Variants in IPMK observed in about 807,000 individuals in gnomAD.
The protein encoded by IPMK is inositol polyphosphate multikinase, also known as inositol 1,3,4,6-tetrakisphosphate 5-kinase.
In IPMK, 17 loss-of-function variants were observed where a neutral mutation model predicts 45.8. The observed-to-expected ratio is 0.37, with a 90% CI of 0.25 to 0.56. The LOEUF is 0.56. Among genes scored for constraint, IPMK ranks in the 20% least tolerant of loss-of-function variants. The pLI is 0.79. For synonymous variants in IPMK, 180 were observed against 184.3 expected (o/e 0.98, Z 0.19); for missense variants, 399 against 498.0 (o/e 0.80, Z 1.89).
intron 4 of IPMK, among the ~76,000 whole-genome samples, chr10:58,203,934 AC>A (rs1838033956): frequency 6.6e-6 from 1 of 152,224 alleles, no homozygotes; most frequent in Admixed American, 6.5e-5. Flanking sequence ...AGCAGCCACC[AC>A]CCTGATCAAT....
chr10:58,235,837 AAGAG>A (rs374625023), intron 2 of IPMK, among the ~76,000 whole-genome samples: 233 of 152,268 alleles, frequency 1.5e-3, no homozygotes, highest in African/African-American at 5.3e-3. Context: ...AAGAAAAAGA[AAGAG>A]AGAGACAACC....
intron 3 of IPMK, among the ~76,000 whole-genome samples, chr10:58,219,345 T>C (rs1838296186): frequency 6.6e-6 from 1 of 152,248 alleles, no homozygotes; most frequent in Non-Finnish European, 1.5e-5. Context: ...TGACTGCAAG[T>C]GCTTTTGAAA....
intron 1 of IPMK, among the ~76,000 whole-genome samples, chr10:58,255,626 C>A (rs1838954162): frequency 6.6e-6 from 1 of 152,076 alleles, no homozygotes; most frequent in Non-Finnish European, 1.5e-5. Flanking sequence ...GATGATATCA[C>A]CATCTAGGTA....
Position 58,201,059 on chromosome 10 carries a change from T to C in IPMK, c.547-1738A>G, listed in dbSNP as rs372665037. Among the ~76,000 whole-genome samples, 6 of 152,176 alleles carry C rather than the reference T, an allele frequency of 3.9e-5. No homozygotes were observed. In the South Asian group the frequency reaches 8.3e-4, roughly 21 times the overall value. On this transcript the variant is annotated intron_variant, in intron 4 of 5. Transcript: ENST00000373935. ...TGAACAAAGGACATGTTTACACTTATGAGGGAAAAAACAAGAAACAAAGTG... is the reference window on the plus strand; with the variant it reads ...TGAACAAAGGACATGTTTACACTTACGAGGGAAAAAACAAGAAACAAAGTG...
chr10:58,232,048 C>T (rs373100966), intron 2 of IPMK, among the ~76,000 whole-genome samples: 3 of 152,148 alleles, frequency 2.0e-5, no homozygotes, highest in Non-Finnish European at 2.9e-5. Flanking sequence ...ATAAAACAGA[C>T]TTTAAACCAA....
At chr10:58,216,119 C>A (rs770656827) in intron 4 of IPMK, 26 bp downstream of exon 4, 86 of 1,437,934 alleles carry the variant, frequency 6.0e-5, no homozygotes, top group Non-Finnish European at 7.9e-5. Flanking sequence ...GAGAAATGTG[C>A]ATATTATACT....
At chr10:58,221,257 G>C (rs548942235) in intron 3 of IPMK, among the ~76,000 whole-genome samples, 93 of 152,126 alleles carry the variant, frequency 6.1e-4, no homozygotes, top group African/African-American at 2.2e-3. Context: ...TGCCCTTAAA[G>C]TTGCTCAACT....
In IPMK at chr10:58,192,029, A is replaced by C. The variant is rs187953909; in HGVS notation, c.*4047T>G. The C allele has an allele frequency of 9.9e-5, 15 of 152,226 alleles. No homozygotes were observed. The highest frequency in any genetic ancestry group is 3.6e-4 in the African/African-American group (15 of 41,592). 9.4% of individuals were successfully genotyped at this position (152,226 alleles called of 1,614,324 possible). On this transcript the variant is annotated 3_prime_UTR_variant, in exon 6 of 6. Coordinates refer to ENST00000373935, the MANE Select transcript of IPMK (RefSeq NM_152230.5). ...AATCTAAAATTAAAGAAAAGTCTTA[A>C]AAGCCTATAGTGACTTGTTTACTTG...
At chr10:58,215,081 CTTCAAAAT>C (rs1838224284) in intron 4 of IPMK, among the ~76,000 whole-genome samples, 1 of 71,080 alleles carries the variant, frequency 1.4e-5, no homozygotes, top group East Asian at 6.5e-4. Context: ...GAATGTGGTA[CTTCAAAAT>C]TAAAAAGCCC....
At position 58,193,487 on chromosome 10, in the gene IPMK, TTGA is replaced by T. The variant is rs1162735205; in HGVS notation, c.*2586_*2588del. On this transcript the variant is annotated 3_prime_UTR_variant, in exon 6 of 6. Transcript: ENST00000373935. ...TAGATAAAATATTTAGCATTTATCATTGATTTTAATTTATTTGAATCTATGCAA... is the reference window on the plus strand; with the variant it reads ...TAGATAAAATATTTAGCATTTATCATTTTTAATTTATTTGAATCTATGCAA... 2.0e-5 allele frequency: 3 copies of T among 151,880 alleles called. No homozygotes were observed. Among genetic ancestry groups the T allele is most frequent in the Non-Finnish European group, 4.4e-5 (3 of 67,772 alleles). 9.4% of individuals were successfully genotyped at this position (151,880 alleles called of 1,614,324 possible). A position where few individuals can be genotyped will look rare whatever the true frequency, so the allele number is the denominator to read the frequency against.
chr10:58,235,870 A>T (rs1838604553), intron 2 of IPMK, among the ~76,000 whole-genome samples: 1 of 152,128 alleles, frequency 6.6e-6, no homozygotes, highest in Non-Finnish European at 1.5e-5. Flanking sequence ...GTTGTGACAA[A>T]TTTATAGGTA....
intron 1 of IPMK, among the ~76,000 whole-genome samples, chr10:58,264,815 T>C (rs532547338): frequency 1.3e-5 from 2 of 152,274 alleles, no homozygotes; most frequent in African/African-American, 2.4e-5. Context: ...GTATAATACA[T>C]GATATAATAC....
rs562662073 is a variant in IPMK at position 58,208,730 on chromosome 10, TTA to T, written c.546+7413_546+7414del. ...TGGAATGGCAGGGATCTCTTGAAGCTTATCTTGTTCTCTCGTGGTGTACACCT... is the reference window on the plus strand; with the variant it reads ...TGGAATGGCAGGGATCTCTTGAAGCTTCTTGTTCTCTCGTGGTGTACACCT... On this transcript the variant is annotated intron_variant, in intron 4 of 5. Transcript: ENST00000373935. 2.6e-5 allele frequency among the ~76,000 whole-genome samples: 4 copies of T among 152,328 alleles called. No homozygotes were observed. The East Asian group carries it at 7.7e-4, about 29-fold the overall frequency.
chr10:58,229,249 C>T (rs2790231), intron 2 of IPMK, among the ~76,000 whole-genome samples: 51,419 of 151,790 alleles, frequency 0.34, 10,947 homozygotes, highest in African/African-American at 0.61. Context: ...GTCAAGAGGG[C>T]AATTTGTATT....
In IPMK at chr10:58,216,166, C is replaced by T. The variant is rs1328022875; in HGVS notation, c.525G>A (p.Gly175=). 6.2e-7 allele frequency: 1 copy of T among 1,605,938 alleles called. No individual in the cohort carries two copies. The highest frequency in any genetic ancestry group is 1.7e-5 in the Admixed American group (1 of 58,232). ...VSKYPLMEEI[G]FLVLGMRVYH... ...TTACCCTCATGCCAAGCACCAAGAA[C>T]CCAATCTCTTCCATTAATGGGTACT... Residue 175 remains glycine, a synonymous_variant, in exon 4 of 6, where the codon GGG becomes GGA. Coordinates refer to ENST00000373935, the MANE Select transcript of IPMK (RefSeq NM_152230.5).
At chr10:58,258,155 CAA>C (rs1329297114) in intron 1 of IPMK, among the ~76,000 whole-genome samples, 1 of 151,976 alleles carries the variant, frequency 6.6e-6, no homozygotes, top group Non-Finnish European at 1.5e-5. Flanking sequence ...ACTAAAAATA[CAA>C]AAACTAGCCG....
intron 4 of IPMK, among the ~76,000 whole-genome samples, chr10:58,207,402 C>T (rs549626085): frequency 6.6e-6 from 1 of 152,336 alleles, no homozygotes; most frequent in East Asian, 1.9e-4. Flanking sequence ...CATATAACAA[C>T]TTCTTTTCCT....
chr10:58,238,848 G>GTTT (rs968526849), intron 1 of IPMK, among the ~76,000 whole-genome samples: 31 of 150,628 alleles, frequency 2.1e-4, no homozygotes, highest in Non-Finnish European at 2.8e-4. Flanking sequence ...TTTGTTTTTT[G>GTTT]TTTTTTTTTA....
intron 1 of IPMK, among the ~76,000 whole-genome samples, chr10:58,250,688 C>T (rs1838868273): frequency 6.6e-6 from 1 of 152,136 alleles, no homozygotes; most frequent in Non-Finnish European, 1.5e-5. Flanking sequence ...ACTAGGACTT[C>T]CACTCCTAGG....
Sources: allele counts gnomAD v4.1 joint callset (sites outside exome capture counted in the v4.1 genomes callset), GRCh38; gene constraint gnomAD v4.1.1; transcripts MANE v1.5; gene names NCBI Gene and HGNC (gene_info 2026-07-23, HGNC 2026-07-21).